The following SLC35F3 variants were observed in gnomAD, a reference collection of about 807,000 sequenced individuals.
SLC35F3 encodes solute carrier family 35 member F3, also known as putative thiamine transporter SLC35F3.
In SLC35F3, 25 loss-of-function variants were observed where a neutral mutation model predicts 49.9. The observed-to-expected ratio is 0.50, with a 90% CI of 0.37 to 0.70. The LOEUF (loss-of-function observed/expected upper bound fraction) is 0.70. Ranked by LOEUF, SLC35F3 falls within the 30% of genes least tolerant of loss-of-function variation. SLC35F3 has a pLI of 0.00. For missense variants in SLC35F3, 525 were observed against 639.8 expected (o/e 0.82, Z 1.94); for synonymous variants, 275 against 265.4 (o/e 1.04, Z -0.35).
chr1:234,078,358 A>T (rs1664827546), intron 2 of SLC35F3, among the ~76,000 whole-genome samples: 1 of 151,832 alleles, frequency 6.6e-6, no homozygotes, highest in East Asian at 1.9e-4. Flanking sequence ...CCTCCTACTC[A>T]TTCCTCATTC....
At chr1:234,067,307 AACC>A (rs998205826) in intron 2 of SLC35F3, among the ~76,000 whole-genome samples, 9 of 152,230 alleles carry the variant, frequency 5.9e-5, no homozygotes, top group African/African-American at 2.2e-4. Context: ...CGCCTCTAGT[AACC>A]AATGTCTATT....
chr1:234,223,847 G>A (rs534245937), intron 2 of SLC35F3, among the ~76,000 whole-genome samples: 1 of 152,250 alleles, frequency 6.6e-6, no homozygotes, highest in Non-Finnish European at 1.5e-5. Flanking sequence ...TGAAATCAAG[G>A]TGCTGGCAAA....
intron 2 of SLC35F3, among the ~76,000 whole-genome samples, chr1:233,979,682 A>G (rs558980573): frequency 7.2e-4 from 110 of 152,212 alleles, no homozygotes; most frequent in Non-Finnish European, 1.3e-3. Context: ...GCTGCTCTTC[A>G]TTCAGACTTT....
At chr1:234,048,494 A>C (rs550472014) in intron 2 of SLC35F3, among the ~76,000 whole-genome samples, 106 of 152,334 alleles carry the variant, frequency 7.0e-4, no homozygotes, top group Non-Finnish European at 1.3e-3. Context: ...TCATCCTGCA[A>C]GAAAAGGGAA....
chr1:233,931,573 CA>C (rs1662243343), intron 2 of SLC35F3, among the ~76,000 whole-genome samples: 1 of 152,098 alleles, frequency 6.6e-6, no homozygotes, highest in Non-Finnish European at 1.5e-5. Flanking sequence ...TAGAGAAATG[CA>C]AATCAAAACC....
intron 2 of SLC35F3, among the ~76,000 whole-genome samples, chr1:234,022,341 C>T (rs1663908706): frequency 6.6e-6 from 1 of 152,196 alleles, no homozygotes; most frequent in Non-Finnish European, 1.5e-5. Flanking sequence ...GGAACTGGCT[C>T]TCCAATTGTG....
At chr1:233,910,386 G>A (rs892209599) in intron 2 of SLC35F3, among the ~76,000 whole-genome samples, 6 of 152,200 alleles carry the variant, frequency 3.9e-5, no homozygotes, top group Non-Finnish European at 1.5e-5. Flanking sequence ...AACATATCTT[G>A]GAGTTTCCAG....
At chr1:234,255,057 ATTG>A (rs1405202112) in intron 3 of SLC35F3, among the ~76,000 whole-genome samples, 3 of 152,226 alleles carry the variant, frequency 2.0e-5, no homozygotes, top group Non-Finnish European at 2.9e-5. Context: ...TGTGAAAGAG[ATTG>A]TTAAGAACAT....
rs1664346460 is a variant in SLC35F3, at chr1:234,049,685, C to T, written c.283+143927C>T. ...TAAGTTCTAGGGTACATGTGCACAACATGCAGGTTTGTTACATATGTATAC... is the reference window on the plus strand; with the variant it reads ...TAAGTTCTAGGGTACATGTGCACAATATGCAGGTTTGTTACATATGTATAC... On this transcript the variant is annotated intron_variant, in intron 2 of 7. Coordinates refer to ENST00000366618, the MANE Select transcript of SLC35F3 (RefSeq NM_173508.4). Among the ~76,000 whole-genome samples the T allele has an allele frequency of 2.6e-5, 4 of 152,026 alleles. No individual in the cohort carries two copies. The South Asian group carries it at 8.3e-4, about 32-fold the overall frequency.
chr1:234,141,498 A>C (rs1665912982), intron 2 of SLC35F3, among the ~76,000 whole-genome samples: 1 of 152,214 alleles, frequency 6.6e-6, no homozygotes, highest in African/African-American at 2.4e-5. Context: ...CACCACAATC[A>C]AGGTACTAAA....
chr1:233,991,948 A>T (rs1663361476), intron 2 of SLC35F3, among the ~76,000 whole-genome samples: 1 of 152,232 alleles, frequency 6.6e-6, no homozygotes, highest in Non-Finnish European at 1.5e-5. Flanking sequence ...CACAAAGAAA[A>T]AGAACTTCTC....
intron 2 of SLC35F3, among the ~76,000 whole-genome samples, chr1:234,035,123 A>G (rs1664121655): frequency 6.6e-6 from 1 of 152,146 alleles, no homozygotes; most frequent in Non-Finnish European, 1.5e-5. Flanking sequence ...TGCATCTTGT[A>G]TCTTTCTTTC....
At chr1:233,984,064 T>A (rs12759054) in intron 2 of SLC35F3, among the ~76,000 whole-genome samples, 1 of 152,032 alleles carries the variant, frequency 6.6e-6, no homozygotes, top group Non-Finnish European at 1.5e-5. Context: ...GATATGTTTC[T>A]CCTCTATGCT....
intron 2 of SLC35F3, among the ~76,000 whole-genome samples, chr1:233,923,404 A>G (rs1344734955): frequency 6.6e-6 from 1 of 152,054 alleles, no homozygotes; most frequent in Non-Finnish European, 1.5e-5. Flanking sequence ...ATTCTCTTTG[A>G]AGCAATTGTG....
rs577438229 is a variant in SLC35F3 at position 234,063,362 on chromosome 1, T to C, written c.283+157604T>C. On this transcript the variant is annotated intron_variant, in intron 2 of 7. Transcript: ENST00000366618. ...TGAATGCATCTAAAGACATAAGTGA[T>C]TAACTTCTTTTAATCTATAACTAAG... Among the ~76,000 whole-genome samples the C allele has an allele frequency of 5.9e-5, 9 of 152,330 alleles. No homozygotes were observed. In the South Asian group the frequency reaches 1.9e-3, roughly 32 times the overall value.
intron 2 of SLC35F3, among the ~76,000 whole-genome samples, chr1:234,209,174 T>C (rs1229535744): frequency 6.6e-6 from 1 of 152,184 alleles, no homozygotes; most frequent in Non-Finnish European, 1.5e-5. Context: ...GTCTGGATAT[T>C]ATTTATACAG....
chr1:234,303,999 A>ATCCTTCCT (rs745697175), intron 3 of SLC35F3, among the ~76,000 whole-genome samples: 2,152 of 125,334 alleles, frequency 0.017, 43 homozygotes, highest in Admixed American at 0.06. Flanking sequence ...TCCTAATTTT[A>ATCCTTCCT]TCCTTCCTTC....
At chr1:233,913,337 G>T (rs1661913981) in intron 2 of SLC35F3, among the ~76,000 whole-genome samples, 1 of 152,164 alleles carries the variant, frequency 6.6e-6, no homozygotes, top group Admixed American at 6.5e-5. Flanking sequence ...TCTGATGCCT[G>T]TCACCTTCCT....
At chr1:234,040,676 T>C (rs747603909) in intron 2 of SLC35F3, among the ~76,000 whole-genome samples, 1 of 152,214 alleles carries the variant, frequency 6.6e-6, no homozygotes, top group Non-Finnish European at 1.5e-5. Context: ...TGGTCCTGGC[T>C]CTCACCTGGA....
Sources: allele counts gnomAD v4.1 joint callset (sites outside exome capture counted in the v4.1 genomes callset), GRCh38; gene constraint gnomAD v4.1.1; transcripts MANE v1.5; gene names NCBI Gene and HGNC (gene_info 2026-07-23, HGNC 2026-07-21).